Variants in NBPF3 observed in about 807,000 individuals in gnomAD.
The protein encoded by NBPF3 is NBPF member 3, also known as NBPF family member NBPF3.
A neutral mutation model predicts 78.1 loss-of-function variants in NBPF3; 57 were observed. That is an observed-to-expected ratio of 0.73 (90% CI 0.59 to 0.91). The LOEUF (loss-of-function observed/expected upper bound fraction) is 0.91. Among genes scored for constraint, NBPF3 ranks in the 40% least tolerant of loss-of-function variants. NBPF3 has a pLI of 0.00. For missense variants in NBPF3, 510 were observed against 715.3 expected (o/e 0.71, Z 3.27); for synonymous variants, 182 against 271.7 (o/e 0.67, Z 3.25).
At chr1:21,478,404 G>C (rs1570095455) in intron 9 of NBPF3, 97 bp downstream of exon 9, 1 of 1,338,002 alleles carries the variant, frequency 7.5e-7, no homozygotes, top group East Asian at 2.3e-5. Context: ...GCTGAGAGTT[G>C]CCATCACTGT....
intron 1 of NBPF3, among the ~76,000 whole-genome samples, chr1:21,441,254 C>T (rs904788829): frequency 3.3e-5 from 5 of 152,100 alleles, no homozygotes; most frequent in Non-Finnish European, 7.3e-5. Flanking sequence ...GCGTTAGTAG[C>T]TTTCTTTTTG....
intron 11 of NBPF3, among the ~76,000 whole-genome samples, chr1:21,480,693 T>C (rs1208613241): frequency 6.6e-6 from 1 of 152,308 alleles, no homozygotes; most frequent in Non-Finnish European, 1.5e-5. Flanking sequence ...AAACTTGGGA[T>C]AAATGATTTT....
At chr1:21,472,023 C>A (rs1642627282) in intron 5 of NBPF3, among the ~76,000 whole-genome samples, 1 of 152,162 alleles carries the variant, frequency 6.6e-6, no homozygotes, top group Non-Finnish European at 1.5e-5. Context: ...GTCTTTGGAG[C>A]AAGAAGCTGC....
intron 3 of NBPF3, among the ~76,000 whole-genome samples, chr1:21,469,743 C>T (rs771690552): frequency 5.3e-5 from 8 of 152,072 alleles, no homozygotes; most frequent in South Asian, 2.1e-4. Flanking sequence ...AGAGAGTACC[C>T]GGTGAGAGGG....
At chr1:21,437,290 T>G, upstream of NBPF3, 1 of 394,454 alleles carries the variant, frequency 2.5e-6, no homozygotes. Context: ...GGAGTGTGCC[T>G]GGGGGTTTGT....
At position 21,474,935 on chromosome 1, in the gene NBPF3, G is replaced by A. The variant is rs1255191731; in HGVS notation, c.976G>A (p.Gly326Arg). The change falls in exon 8 of 15, where the codon GGG (glycine) becomes AGG (arginine). Residue 326 changes from glycine to arginine, a missense_variant. This residue lies in a region of NBPF3 where 440 missense variants were observed against 478.2 expected (regional missense o/e 0.92). Coordinates refer to ENST00000318249, the MANE Select transcript of NBPF3 (RefSeq NM_032264.6). Reference sequence around the variant, plus strand: ...TGATCATGAGCAAGAGGAAGAAAAAGGGCCAGTGTCTCCCAGGTAATGCCA... The same window carrying A: ...TGATCATGAGCAAGAGGAAGAAAAAAGGCCAGTGTCTCCCAGGTAATGCCA... Reference protein sequence around the residue: ...ESDHEQEEEKGPVSPRNLQES... With the variant: ...ESDHEQEEEKRPVSPRNLQES... 1.2e-6 allele frequency: 2 copies of A among 1,603,146 alleles called. No individual in the cohort carries two copies. Among genetic ancestry groups the A allele is most frequent in the African/African-American group, 1.4e-5 (1 of 73,610 alleles).
In NBPF3 at chr1:21,471,569, G is replaced by A; in HGVS notation, c.447G>A (p.Arg149=). 6.2e-7 allele frequency: 1 copy of A among 1,611,746 alleles called. No individual in the cohort carries two copies. The highest frequency in any genetic ancestry group is 8.5e-7 in the Non-Finnish European group (1 of 1,179,754). ...AATTTTCTCTACTATCTCACCTTAGGCAATATAAAGTCCTGGTTCACTCTC... is the reference window on the plus strand; with the variant it reads ...AATTTTCTCTACTATCTCACCTTAGACAATATAAAGTCCTGGTTCACTCTC... ...AEELGQAEEL[R]QYKVLVHSQE... is the part of the protein sequence containing the mutation. Residue 149 remains arginine (R), a splice_region_variant and synonymous_variant, in exon 5 of 15, where the codon AGG becomes AGA. Coordinates refer to ENST00000318249, the MANE Select transcript of NBPF3 (RefSeq NM_032264.6).
At chr1:21,455,140 T>C (rs1237281213) in intron 2 of NBPF3, among the ~76,000 whole-genome samples, 3 of 152,216 alleles carry the variant, frequency 2.0e-5, no homozygotes, top group Non-Finnish European at 2.9e-5. Flanking sequence ...ATGGAAACCC[T>C]CCTGCACTTC....
intron 1 of NBPF3, among the ~76,000 whole-genome samples, chr1:21,444,233 G>T (rs180966638): frequency 1.3e-5 from 2 of 152,302 alleles, no homozygotes; most frequent in Middle Eastern, 3.4e-3. Context: ...TAAAATAGCT[G>T]TATAGAGTAG....
chr1:21,474,444 T>G (rs1184183366), intron 7 of NBPF3, among the ~76,000 whole-genome samples: 3 of 152,206 alleles, frequency 2.0e-5, no homozygotes, highest in Non-Finnish European at 4.4e-5. Context: ...CCTCAAATGA[T>G]TCACCTTCCT....
At chr1:21,454,646 G>C (rs1263354569) in intron 2 of NBPF3, among the ~76,000 whole-genome samples, 3 of 152,108 alleles carry the variant, frequency 2.0e-5, no homozygotes, top group African/African-American at 4.8e-5. Flanking sequence ...CACCTTAATA[G>C]ACCATAGCTA....
intron 2 of NBPF3, among the ~76,000 whole-genome samples, chr1:21,455,809 T>C (rs1295416559): frequency 6.6e-6 from 1 of 152,138 alleles, no homozygotes; most frequent in Non-Finnish European, 1.5e-5. Flanking sequence ...AGGAAAAGAC[T>C]AACAGATTTA....
At position 21,468,848 on chromosome 1, in the gene NBPF3, T is replaced by C. The variant is rs1451387232; in HGVS notation, c.294T>C (p.Cys98=). The change falls in exon 3 of 15, where the codon TGT becomes TGC. Residue 98 remains cysteine, a synonymous_variant. Coordinates refer to ENST00000318249, the MANE Select transcript of NBPF3 (RefSeq NM_032264.6). ...KQQFRNLKQK[C]LVTQVAYFLA... is the part of the protein sequence containing the mutation. ...AGTTCAGAAACCTCAAACAGAAATG[T>C]CTTGTAACTCAAGTGGCCTACTTCC... 1 of 1,614,054 alleles carries C rather than the reference T, an allele frequency of 6.2e-7. No individual in the cohort carries two copies. Among genetic ancestry groups the C allele is most frequent in the Non-Finnish European group, 8.5e-7 (1 of 1,180,022 alleles).
Position 21,484,385 on chromosome 1 carries a change from G to T in NBPF3, c.*999G>T, listed in dbSNP as rs1643370381. 8.2e-6 allele frequency: 1 copy of T among 122,242 alleles called. No homozygotes were observed. Among genetic ancestry groups the T allele is most frequent in the Admixed American group, 9.1e-5 (1 of 10,974 alleles). The allele number at this position is 122,242 out of a possible 1,614,324, so 7.6% of individuals were successfully genotyped here. ...TTTTGGTGACATGGACTTGTTTGTA[G>T]AGGACAGGTCAGCTGTCTGGCTCAA... On this transcript the variant is annotated 3_prime_UTR_variant, in exon 15 of 15. Transcript: ENST00000318249.
chr1:21,468,591 T>G lies in NBPF3; in HGVS notation c.134-97T>G, dbSNP rs1642405519. On this transcript the variant is annotated intron_variant, in intron 2 of 14. Coordinates refer to ENST00000318249, the MANE Select transcript of NBPF3 (RefSeq NM_032264.6). ...TGATCACATTTTTCTCAACAGTAAG[T>G]TAAGAATTTCAGTTACTGACATCCC... is the stretch of plus-strand genomic sequence containing the variant. The G allele has an allele frequency of 1.9e-6, 3 of 1,599,298 alleles. No individual in the cohort carries two copies. In the East Asian group the frequency reaches 6.7e-5, roughly 36 times the overall value.
chr1:21,483,155 G>C lies in NBPF3; in HGVS notation c.1671G>C (p.Val557=), dbSNP rs1405415312. ...QKPPCPRLNE[V]LMEAEEPEVL... ...TCTCCTTTTCCAGGCTCAACGAGGT[G>C]CTGATGGAAGCAGAAGAGCCTGAAG... The change falls in exon 15 of 15, where the codon GTG becomes GTC. Residue 557 remains valine, a synonymous_variant. Coordinates refer to ENST00000318249, the MANE Select transcript of NBPF3 (RefSeq NM_032264.6). 5.0e-6 allele frequency: 8 copies of C among 1,611,094 alleles called. No homozygotes were observed. Among genetic ancestry groups the C allele is most frequent in the Non-Finnish European group, 6.8e-6 (8 of 1,179,308 alleles).
chr1:21,456,770 G>T (rs1641627762), intron 2 of NBPF3, among the ~76,000 whole-genome samples: 1 of 152,134 alleles, frequency 6.6e-6, no homozygotes, highest in Admixed American at 6.5e-5. Flanking sequence ...TATATTAAAT[G>T]GCATGGGATT....
chr1:21,445,270 C>G (rs3820598), intron 2 of NBPF3, 51 bp downstream of exon 2: 35 of 1,588,096 alleles, frequency 2.2e-5, no homozygotes, highest in Non-Finnish European at 2.9e-5. Flanking sequence ...AGTCCTCTTT[C>G]TATTATAACT....
At chr1:21,441,548 A>G (rs1352680590) in intron 1 of NBPF3, among the ~76,000 whole-genome samples, 1 of 152,012 alleles carries the variant, frequency 6.6e-6, no homozygotes, top group Non-Finnish European at 1.5e-5. Context: ...CTCTACTAAA[A>G]ATACAAAAGT....
Sources: allele counts gnomAD v4.1 joint callset (sites outside exome capture counted in the v4.1 genomes callset), GRCh38; gene constraint gnomAD v4.1.1; regional missense constraint gnomAD v4.1.1; transcripts MANE v1.5; gene names NCBI Gene and HGNC (gene_info 2026-07-23, HGNC 2026-07-21).